UPF1: variants seen among roughly 807,000 people sequenced by gnomAD.
UPF1 encodes regulator of nonsense transcripts 1.
A neutral mutation model predicts 129.2 loss-of-function variants in UPF1; 9 were observed. The observed-to-expected ratio is 0.07, with a 90% confidence interval of 0.04 to 0.12. The LOEUF is 0.12. Among genes scored for constraint, UPF1 ranks in the 10% least tolerant of loss-of-function variants. UPF1 has a pLI of 1.00. For synonymous variants in UPF1, 649 were observed against 644.9 expected (o/e 1.01, Z -0.10); for missense variants, 788 against 1,525.3 (o/e 0.52, Z 8.05).
intron 1 of UPF1, among the ~76,000 whole-genome samples, chr19:18,838,808 G>A (rs1016077069): frequency 6.6e-6 from 1 of 152,204 alleles, no homozygotes; most frequent in African/African-American, 2.4e-5. Flanking sequence ...GACTTACTGA[G>A]TGTGTTTTCA....
In UPF1 at chr19:18,865,658, A is replaced by G. The variant is rs946917628; in HGVS notation, c.3117A>G (p.Gln1039=). The G allele has an allele frequency of 6.2e-7, 1 of 1,613,742 alleles. No individual in the cohort carries two copies. The highest frequency in any genetic ancestry group is 8.5e-7 in the Non-Finnish European group (1 of 1,180,034). The change falls in exon 22 of 24, where the codon CAA becomes CAG. Residue 1039 remains glutamine, a synonymous_variant. Transcript: ENST00000262803. The surrounding 1 kb of genome is among the most constrained non-coding windows in gnomAD (Gnocchi z 6.1). ...GCCAGACTAACCTCCCCAACAGCCA[A>G]GCCAGCCAGGATGTGGCGTCACAGC... ...GPSQTNLPNS[Q]ASQDVASQPF...
At chr19:18,866,391 C>G in intron 23 of UPF1, 130 bp from the exon 24 acceptor site, 1 of 561,872 alleles carries the variant, frequency 1.8e-6, no homozygotes, top group South Asian at 2.8e-5. Context: ...GGGACCACCG[C>G]GGGACCTCAG....
At chr19:18,863,318 C>G in intron 18 of UPF1, 120 bp from the exon 19 acceptor site, 1 of 1,328,686 alleles carries the variant, frequency 7.5e-7, no homozygotes, top group Admixed American at 2.1e-5. Context: ...GCCTGCTGCC[C>G]GGTCCACGCC....
In UPF1 at chr19:18,863,464, C is replaced by G. The variant is rs1053729454; in HGVS notation, c.2627C>G (p.Pro876Arg). The G allele has an allele frequency of 6.2e-7, 1 of 1,613,746 alleles. No homozygotes were observed. Among genetic ancestry groups the G allele is most frequent in the South Asian group, 1.1e-5 (1 of 91,076 alleles). The change falls in exon 19 of 24, where the codon CCG (proline) becomes CGG (arginine). Residue 876 changes from proline to arginine, a missense_variant. This residue lies in a region of UPF1 where 140 missense variants were observed against 385.9 expected (regional missense o/e 0.36). Coordinates refer to ENST00000262803, the MANE Select transcript of UPF1 (RefSeq NM_002911.4). ...ARYGVIIVGN[P>R]KALSKQPLWN... ...TATGGCGTCATCATTGTGGGCAACC[C>G]GAAGGCACTATCAAAGCAGCCGCTC...
chr19:18,861,843 A>G (rs1040511897), intron 17 of UPF1, among the ~76,000 whole-genome samples, 167 bp from the exon 18 acceptor site: 2 of 152,044 alleles, frequency 1.3e-5, no homozygotes, highest in African/African-American at 4.8e-5. Context: ...AAAGAAAACA[A>G]AACGAAATGG....
rs1327509370 is a variant in UPF1, at chr19:18,865,597, G to C, written c.3056G>C (p.Gly1019Ala). 5.6e-6 allele frequency: 9 copies of C among 1,613,780 alleles called. No homozygotes were observed. Among genetic ancestry groups the C allele is most frequent in the Admixed American group, 1.7e-5 (1 of 60,016 alleles). Residue 1019 changes from glycine (G) to alanine (A), a missense_variant, in exon 22 of 24, where the codon GGA becomes GCA. Physicochemically the swap from Gly to Ala is moderately conservative, Grantham distance 60. Coordinates refer to ENST00000262803, the MANE Select transcript of UPF1 (RefSeq NM_002911.4). The surrounding 1 kb of genome is among the most constrained non-coding windows in gnomAD (Gnocchi z 6.1). ...CCGAAAGGCAAGACTGGTCGTGGGGGACGCCAGAAGAACCGCTTTGGGCTT... is the reference window on the plus strand; with the variant it reads ...CCGAAAGGCAAGACTGGTCGTGGGGCACGCCAGAAGAACCGCTTTGGGCTT... ...GTPKGKTGRG[G>A]RQKNRFGLPG...
chr19:18,845,766 T>A (rs2145944202), intron 1 of UPF1, among the ~76,000 whole-genome samples: 1 of 151,702 alleles, frequency 6.6e-6, no homozygotes, highest in African/African-American at 2.4e-5. Flanking sequence ...TTAGACCAGC[T>A]GTGTGGGGGA....
intron 1 of UPF1, among the ~76,000 whole-genome samples, chr19:18,844,644 C>A (rs900148161): frequency 6.6e-6 from 1 of 152,078 alleles, no homozygotes; most frequent in African/African-American, 2.4e-5. Context: ...CCCTCCAGAG[C>A]CTCCCTGGTG....
intron 1 of UPF1, among the ~76,000 whole-genome samples, chr19:18,842,110 A>G (rs2055548250): frequency 6.6e-6 from 1 of 151,936 alleles, no homozygotes; most frequent in Admixed American, 6.6e-5. Flanking sequence ...AAAATAAAGG[A>G]ATGGAGAGCC....
chr19:18,841,756 G>A (rs2055544345), intron 1 of UPF1, among the ~76,000 whole-genome samples: 1 of 152,108 alleles, frequency 6.6e-6, no homozygotes, highest in Non-Finnish European at 1.5e-5. Context: ...AGGCAGGGGC[G>A]GCCTGAGGTG....
chr19:18,861,557 G>C (rs1196409516), intron 17 of UPF1, among the ~76,000 whole-genome samples: 1 of 152,230 alleles, frequency 6.6e-6, no homozygotes, highest in Admixed American at 6.5e-5. Context: ...AACAGGCTAG[G>C]TGTCATGGCC....
In UPF1 at chr19:18,832,816, G is replaced by T. The variant is rs970931999; in HGVS notation, c.231+376G>T. Among the ~76,000 whole-genome samples the T allele has an allele frequency of 6.6e-6, 1 of 152,222 alleles. No individual in the cohort carries two copies. The highest frequency in any genetic ancestry group is 1.5e-5 in the Non-Finnish European group (1 of 68,038). ...CCCCCTCCTGGGCCCGGGCTGACCT[G>T]CCTTGTGTCCCACAATCAGTCTGGC... On this transcript the variant is annotated intron_variant, in intron 1 of 23. Transcript: ENST00000262803. The surrounding 1 kb of genome is among the most constrained non-coding windows in gnomAD (Gnocchi z 5.6).
At position 18,853,370 on chromosome 19, in the gene UPF1, G is replaced by A. The variant is rs1458818011; in HGVS notation, c.1156+20G>A. ...CTGATAGTATCCTTCATGTGAAGAG[G>A]GTGTGGCCGGCTGGTGGGAGAGGAA... is the stretch of plus-strand genomic sequence containing the variant. On this transcript the variant is annotated intron_variant, in intron 8 of 23. Coordinates refer to ENST00000262803, the MANE Select transcript of UPF1 (RefSeq NM_002911.4). This position sits in a 1 kb window ranked among gnomAD's most constrained non-coding sequence, Gnocchi z 4.4. 1 of 1,576,324 alleles carries A rather than the reference G, an allele frequency of 6.3e-7. No individual in the cohort carries two copies.
At chr19:18,834,992 A>G (rs1274929852) in intron 1 of UPF1, among the ~76,000 whole-genome samples, 1 of 152,210 alleles carries the variant, frequency 6.6e-6, no homozygotes, top group Non-Finnish European at 1.5e-5. Context: ...TAAAGTGTAC[A>G]GTTCGGCGGC....
intron 3 of UPF1, 109 bp downstream of exon 3, chr19:18,847,942 C>A: frequency 7.9e-7 from 1 of 1,259,084 alleles, no homozygotes; most frequent in Non-Finnish European, 1.1e-6. Context: ...GCTAACAAAC[C>A]TGGGTTTTTT....
At chr19:18,860,187 A>G (rs2055762357) in intron 15 of UPF1, 134 bp from the exon 16 acceptor site, 2 of 919,138 alleles carry the variant, frequency 2.2e-6, no homozygotes, top group Non-Finnish European at 1.7e-6. Flanking sequence ...TGACCTCACC[A>G]GGGCCTCACA....
In UPF1 at chr19:18,850,153, C is replaced by G. The variant is rs1159315135; in HGVS notation, c.540C>G (p.Val180=). Residue 180 remains valine, a synonymous_variant, in exon 4 of 24, where the codon GTC becomes GTG. Coordinates refer to ENST00000262803, the MANE Select transcript of UPF1 (RefSeq NM_002911.4). This position sits in a 1 kb window ranked among gnomAD's most constrained non-coding sequence, Gnocchi z 7.1. ...LHKDGPLGET[V]LECYNCGCRN... ...AGGACGGGCCCCTGGGGGAGACAGTCCTGGAGTGCTACAACTGCGGCTGTC... is the reference window on the plus strand; with the variant it reads ...AGGACGGGCCCCTGGGGGAGACAGTGCTGGAGTGCTACAACTGCGGCTGTC... 2 of 1,614,152 alleles carry G rather than the reference C, an allele frequency of 1.2e-6. No homozygotes were observed. Among genetic ancestry groups the G allele is most frequent in the South Asian group, 2.2e-5 (2 of 91,080 alleles).
In UPF1 at chr19:18,865,408, C is replaced by T; in HGVS notation, c.2977C>T (p.Pro993Ser). The T allele has an allele frequency of 6.2e-7, 1 of 1,614,050 alleles. No homozygotes were observed. Among genetic ancestry groups the T allele is most frequent in the Non-Finnish European group, 8.5e-7 (1 of 1,179,962 alleles). Reference protein sequence around the residue: ...IPFNLVMPPMPPPGYFGQANG... With the variant: ...IPFNLVMPPMSPPGYFGQANG... ...CTTCAACCTGGTCATGCCACCCATG[C>T]CACCGCCTGGCTATTTTGGACAAGC... is the stretch of plus-strand genomic sequence containing the variant. The change falls in exon 21 of 24, where the codon CCA (proline) becomes TCA (serine). Residue 993 changes from proline (P) to serine (S), a missense_variant. By Grantham distance (74) the Pro-to-Ser change is moderately conservative. This residue lies in a region of UPF1 where 218 missense variants were observed against 318.1 expected (regional missense o/e 0.69). Transcript: ENST00000262803. The surrounding 1 kb of genome is among the most constrained non-coding windows in gnomAD (Gnocchi z 6.1).
chr19:18,850,894 G>GTGCCTTC lies in UPF1; in HGVS notation c.810+27_810+33dup, dbSNP rs757793471. The GTGCCTTC allele has an allele frequency of 2.0e-5, 30 of 1,516,574 alleles. No homozygotes were observed. The highest frequency in any genetic ancestry group is 4.1e-5 in the African/African-American group (3 of 72,972). 93.9% of individuals were successfully genotyped at this position (1,516,574 alleles called of 1,614,324 possible). On this transcript the variant is annotated intron_variant, in intron 5 of 23. Coordinates refer to ENST00000262803, the MANE Select transcript of UPF1 (RefSeq NM_002911.4). The surrounding 1 kb of genome is among the most constrained non-coding windows in gnomAD (Gnocchi z 7.1). ...GTGGGGCTGCCCAGCGGGCCGACCC[G>GTGCCTTC]TGCCTTCGTGTGGTTTCTGGTTGCG... is the stretch of plus-strand genomic sequence containing the variant.
Sources: allele counts gnomAD v4.1 joint callset (sites outside exome capture counted in the v4.1 genomes callset), GRCh38; gene constraint gnomAD v4.1.1; regional missense constraint gnomAD v4.1.1; non-coding constraint Gnocchi (gnomAD v3.1); transcripts MANE v1.5; gene names NCBI Gene and HGNC (gene_info 2026-07-23, HGNC 2026-07-21).